CHRNA7: variants seen among roughly 807,000 people sequenced by gnomAD.
The protein encoded by CHRNA7 is cholinergic receptor nicotinic alpha 7 subunit.
A neutral mutation model predicts 48.0 loss-of-function variants in CHRNA7; 17 were observed. The ratio of observed to expected loss-of-function variants is 0.35; its 90% CI spans 0.24 to 0.53. The LOEUF (loss-of-function observed/expected upper bound fraction) is 0.53, where lower values mean the gene tolerates loss of function less well. Ranked by LOEUF, CHRNA7 falls within the 20% of genes least tolerant of loss-of-function variation. The pLI is 0.92. For missense variants in CHRNA7, 155 were observed against 577.7 expected, an observed-to-expected ratio of 0.27 and a Z score of 7.50; for synonymous variants, 75 against 242.3, an observed-to-expected ratio of 0.31 and a Z score of 6.41.
intron 4 of CHRNA7, among the ~76,000 whole-genome samples, chr15:32,128,212 A>C (rs1015883342): frequency 5.9e-5 from 9 of 152,156 alleles, no homozygotes; most frequent in Admixed American, 5.9e-4. Context: ...AGTAACGCTT[A>C]ACATTGAGTA....
chr15:32,128,206 A>C (rs1414533593), intron 4 of CHRNA7, among the ~76,000 whole-genome samples: 1 of 151,952 alleles, frequency 6.6e-6, no homozygotes, highest in Non-Finnish European at 1.5e-5. Context: ...TCGTATAGTA[A>C]CGCTTAACAT....
At chr15:32,058,240 A>G (rs1041378911) in intron 2 of CHRNA7, among the ~76,000 whole-genome samples, 4 of 152,158 alleles carry the variant, frequency 2.6e-5, no homozygotes, top group African/African-American at 9.7e-5. Context: ...ATCCTCTTCC[A>G]TGCACAAAGC....
At chr15:32,041,356 T>A (rs2141170997) in intron 2 of CHRNA7, among the ~76,000 whole-genome samples, 1 of 152,376 alleles carries the variant, frequency 6.6e-6, no homozygotes, top group South Asian at 2.1e-4. Context: ...ATGAAACTGT[T>A]CCACCTCAGA....
chr15:32,064,208 T>C (rs1439965135), intron 2 of CHRNA7, among the ~76,000 whole-genome samples: 2 of 152,162 alleles, frequency 1.3e-5, no homozygotes, highest in African/African-American at 2.4e-5. Context: ...ACTGAAGTTG[T>C]CCTCGTCTTC....
At chr15:32,118,826 G>A (rs1309934280) in intron 4 of CHRNA7, among the ~76,000 whole-genome samples, 1 of 152,034 alleles carries the variant, frequency 6.6e-6, no homozygotes, top group African/African-American at 2.4e-5. Flanking sequence ...AGCAGGAAAG[G>A]GAATAGTGAG....
intron 4 of CHRNA7, among the ~76,000 whole-genome samples, chr15:32,129,432 T>C (rs75227661): frequency 2.6e-3 from 401 of 152,064 alleles, no homozygotes; most frequent in African/African-American, 9.0e-3. Flanking sequence ...TCAATGTGTT[T>C]AATTGTTTTA....
At chr15:32,157,465 A>G in intron 5 of CHRNA7, 143 bp from the exon 6 acceptor site, 3 of 715,654 alleles carry the variant, frequency 4.2e-6, no homozygotes, top group East Asian at 5.3e-5. Flanking sequence ...GATTTTGCGA[A>G]TAAATAAAAA....
intron 2 of CHRNA7, among the ~76,000 whole-genome samples, chr15:32,050,084 T>G (rs1199765207): frequency 6.6e-6 from 1 of 152,218 alleles, no homozygotes; most frequent in African/African-American, 2.4e-5. Context: ...TAACGTTTTT[T>G]CTTTCATTTC....
At chr15:32,031,153 C>G in intron 2 of CHRNA7, 116 bp downstream of exon 2, 1 of 1,245,480 alleles carries the variant, frequency 8.0e-7, no homozygotes, top group African/African-American at 1.5e-5. Flanking sequence ...TAGTTGGCCC[C>G]AAGCTAGGCA....
chr15:32,033,980 G>A lies in CHRNA7; in HGVS notation c.195+2943G>A, dbSNP rs369246374. On this transcript the variant is annotated intron_variant, in intron 2 of 9. Transcript: ENST00000306901. Reference sequence around the variant, plus strand: ...ATTCCACACATGCTATTGAGCTCCTGTTGTAGACTTTGACAAATTCTGAGA... The same window carrying A: ...ATTCCACACATGCTATTGAGCTCCTATTGTAGACTTTGACAAATTCTGAGA... Among the ~76,000 whole-genome samples the A allele has an allele frequency of 6.7e-4, 102 of 152,324 alleles. No homozygotes were observed. In the South Asian group the frequency reaches 0.02, roughly 30 times the overall value.
At chr15:32,145,620 A>G (rs1290647776) in intron 4 of CHRNA7, among the ~76,000 whole-genome samples, 1 of 152,172 alleles carries the variant, frequency 6.6e-6, no homozygotes, top group Non-Finnish European at 1.5e-5. Context: ...CTCAAGCCTC[A>G]GCAGTGGCGG....
chr15:32,082,011 A>G (rs1240303446), intron 2 of CHRNA7, among the ~76,000 whole-genome samples: 1 of 152,108 alleles, frequency 6.6e-6, no homozygotes, highest in Non-Finnish European at 1.5e-5. Context: ...TTTTTTCAGC[A>G]TTTGAAAAGG....
rs916546564 is a variant in CHRNA7 at position 32,105,502 on chromosome 15, AAGG to A, written c.240+4172_240+4174del. Among the ~76,000 whole-genome samples, 44 of 148,698 alleles carry A rather than the reference AAGG, an allele frequency of 3.0e-4. 1 individual carries two copies. Among genetic ancestry groups the A allele is most frequent in the East Asian group, 1.0e-3 (5 of 5,022 alleles). On this transcript the variant is annotated intron_variant, in intron 3 of 9. Transcript: ENST00000306901. ...GGAGGAAAGGAGGAGGAGAGGAGGA[AAGG>A]AGGAGGAGGAGGAGGAAAAGAGGAG...
In CHRNA7 at chr15:32,123,361, T is replaced by C. The variant is rs138142496; in HGVS notation, c.350+11462T>C. ...ATAGCTATCAGAGTAACAGAAATAG[T>C]GTCATAACTTCCAGACCACTAGAGA... is the stretch of plus-strand genomic sequence containing the variant. On this transcript the variant is annotated intron_variant, in intron 4 of 9. Coordinates refer to ENST00000306901, the MANE Select transcript of CHRNA7 (RefSeq NM_000746.6). 4.2e-3 allele frequency among the ~76,000 whole-genome samples: 574 copies of C among 136,022 alleles called. 1 individual carries two copies. Among genetic ancestry groups the C allele is most frequent in the Middle Eastern group, 0.011 (3 of 266 alleles). 89.2% of individuals were successfully genotyped at this position (136,022 alleles called of 152,430 possible). A position where few individuals can be genotyped will look rare whatever the true frequency, so the allele number is the denominator to read the frequency against.
chr15:32,030,850 C>T, intron 1 of CHRNA7, 48 bp from the exon 2 acceptor site: 1 of 1,592,980 alleles, frequency 6.3e-7, no homozygotes, highest in Non-Finnish European at 8.5e-7. Flanking sequence ...TCGGGGGTAC[C>T]CCCGCCGGCC....
At chr15:32,097,186 GGGTCTTT>G (rs1321070814) in intron 2 of CHRNA7, among the ~76,000 whole-genome samples, 1 of 152,174 alleles carries the variant, frequency 6.6e-6, no homozygotes, top group African/African-American at 2.4e-5. Flanking sequence ...GGAGCCCCCA[GGGTCTTT>G]TGCCTGTGTG....
intron 4 of CHRNA7, among the ~76,000 whole-genome samples, chr15:32,141,718 CTGTT>C (rs1595494437): frequency 6.6e-6 from 1 of 152,154 alleles, no homozygotes; most frequent in Admixed American, 6.5e-5. Context: ...ATTTGGTTCT[CTGTT>C]TGTCTGTTAT....
At chr15:32,106,063 T>G (rs778988162) in intron 3 of CHRNA7, among the ~76,000 whole-genome samples, 1 of 152,202 alleles carries the variant, frequency 6.6e-6, no homozygotes, top group Non-Finnish European at 1.5e-5. Flanking sequence ...AGGCCACTTC[T>G]AAGCAACCTT....
intron 2 of CHRNA7, among the ~76,000 whole-genome samples, chr15:32,071,622 C>G (rs143183030): frequency 3.3e-5 from 5 of 152,102 alleles, no homozygotes; most frequent in Non-Finnish European, 7.4e-5. Flanking sequence ...GCTACCCTCC[C>G]CAGTATAATG....
Sources: gnomAD v4.1 joint callset for allele counts (sites outside exome capture counted in the v4.1 genomes callset) on GRCh38, gnomAD v4.1.1 for gene constraint, MANE v1.5 for transcripts, NCBI Gene and HGNC (gene_info 2026-07-23, HGNC 2026-07-21) for gene names.